ALDH2: variants seen among roughly 807,000 people sequenced by gnomAD.
The protein encoded by ALDH2 is aldehyde dehydrogenase, mitochondrial.
In ALDH2, 44 loss-of-function variants were observed where a neutral mutation model predicts 59.6. That is an observed-to-expected ratio of 0.74 (90% CI 0.58 to 0.95). The LOEUF is 0.95. Ranked by LOEUF, ALDH2 falls within the 40% of genes least tolerant of loss-of-function variation. ALDH2 has a pLI of 0.00. For missense variants in ALDH2, 570 were observed against 696.3 expected, an observed-to-expected ratio of 0.82 and a Z score of 2.04; for synonymous variants, 291 against 284.0, an observed-to-expected ratio of 1.02 and a Z score of -0.25.
chr12:111,787,156 A>C (rs1267649456), intron 4 of ALDH2, among the ~76,000 whole-genome samples: 1 of 152,102 alleles, frequency 6.6e-6, no homozygotes, highest in Non-Finnish European at 1.5e-5. Context: ...CAGTGAGCCG[A>C]GATCGTGCCA....
At chr12:111,771,534 TTACAAATCATTGGC>T (rs2068199972) in intron 1 of ALDH2, among the ~76,000 whole-genome samples, 1 of 152,182 alleles carries the variant, frequency 6.6e-6, no homozygotes, top group Non-Finnish European at 1.5e-5. Context: ...CATGTAGCAG[TTACAAATCATTGGC>T]TCAACCTGTA....
chr12:111,801,701 A>G (rs952555052), intron 11 of ALDH2, among the ~76,000 whole-genome samples: 1 of 152,014 alleles, frequency 6.6e-6, no homozygotes, highest in Non-Finnish European at 1.5e-5. Context: ...TCCAAAAAAA[A>G]AAAAAAAGAA....
chr12:111,793,027 T>C (rs962586317), intron 9 of ALDH2, among the ~76,000 whole-genome samples: 2 of 152,100 alleles, frequency 1.3e-5, no homozygotes, highest in African/African-American at 4.8e-5. Flanking sequence ...GTAAATTGCA[T>C]ATATGTAACA....
At chr12:111,771,774 G>A (rs1041629111) in intron 1 of ALDH2, among the ~76,000 whole-genome samples, 1 of 152,142 alleles carries the variant, frequency 6.6e-6, no homozygotes, top group Non-Finnish European at 1.5e-5. Context: ...AGTGATGAAC[G>A]AGGACTCTGG....
At chr12:111,806,798 C>G (rs995384847) in intron 12 of ALDH2, among the ~76,000 whole-genome samples, 2 of 151,474 alleles carry the variant, frequency 1.3e-5, no homozygotes, top group Non-Finnish European at 2.9e-5. Flanking sequence ...ATGGTGAAAC[C>G]CCATCTCTAC....
In ALDH2 at chr12:111,799,959, T is replaced by C. The variant is rs138505396; in HGVS notation, c.1302T>C (p.Val434=). 239 of 1,614,080 alleles carry C rather than the reference T, an allele frequency of 1.5e-4. No homozygotes were observed. Among genetic ancestry groups the C allele is most frequent in the Non-Finnish European group, 1.8e-4 (217 of 1,180,016 alleles). Residue 434 remains valine, a synonymous_variant, in exon 11 of 13, where the codon GTT becomes GTC. Coordinates refer to ENST00000261733, the MANE Select transcript of ALDH2 (RefSeq NM_000690.4). ...AGTTCAAGACCATAGAGGAGGTTGT[T>C]GGGAGAGCCAACAATTCCACGTACG... ...ILKFKTIEEV[V]GRANNSTYGL... is the part of the protein sequence containing the mutation.
chr12:111,789,023 T>C (rs1305428617), intron 4 of ALDH2, among the ~76,000 whole-genome samples: 1 of 146,582 alleles, frequency 6.8e-6, no homozygotes, highest in Non-Finnish European at 1.5e-5. Context: ...TTTTCTTTTT[T>C]TTTTTTTTTT....
rs749694206 is a variant in ALDH2 at position 111,791,336 on chromosome 12, G to T, written c.712G>T (p.Val238Leu). The change falls in exon 7 of 13, where the codon GTG becomes TTG. Residue 238 changes from valine (V) to leucine (L), a missense_variant. Val to Leu is a conservative substitution (Grantham distance 32, BLOSUM62 1). Coordinates refer to ENST00000261733, the MANE Select transcript of ALDH2 (RefSeq NM_000690.4). ...AGFPPGVVNIVPGFGPTAGAA... is the reference protein window; with the variant it reads ...AGFPPGVVNILPGFGPTAGAA... ...CTTTCCCCCTGGTGTGGTCAACATT[G>T]TGCCTGGATTTGGCCCCACGGCTGG... 2.9e-5 allele frequency: 46 copies of T among 1,614,000 alleles called. No homozygotes were observed. The highest frequency in any genetic ancestry group is 3.7e-5 in the Non-Finnish European group (44 of 1,180,014).
intron 4 of ALDH2, among the ~76,000 whole-genome samples, chr12:111,788,784 T>C (rs2068331951): frequency 6.6e-6 from 1 of 151,962 alleles, no homozygotes; most frequent in Non-Finnish European, 1.5e-5. Flanking sequence ...GGAGGATCAC[T>C]TGAGCTCAGG....
At chr12:111,777,706 C>G (rs1006429053) in intron 1 of ALDH2, among the ~76,000 whole-genome samples, 1 of 152,106 alleles carries the variant, frequency 6.6e-6, no homozygotes, top group Non-Finnish European at 1.5e-5. Flanking sequence ...GGAGTAAACA[C>G]CCAGGACCTG....
intron 1 of ALDH2, among the ~76,000 whole-genome samples, chr12:111,780,364 G>A (rs1365821103): frequency 6.6e-6 from 1 of 152,128 alleles, no homozygotes; most frequent in Non-Finnish European, 1.5e-5. Context: ...AACCGTCTTG[G>A]GACCCGCCCT....
chr12:111,793,421 A>G (rs1444020330), intron 9 of ALDH2, among the ~76,000 whole-genome samples: 2 of 151,936 alleles, frequency 1.3e-5, no homozygotes, highest in African/African-American at 4.8e-5. Flanking sequence ...GTTTATAGAA[A>G]AATAGAGCTG....
intron 1 of ALDH2, among the ~76,000 whole-genome samples, chr12:111,779,457 T>G (rs957174921): frequency 5.9e-5 from 9 of 152,162 alleles, no homozygotes; most frequent in Admixed American, 3.3e-4. Context: ...CCAAAAGTGC[T>G]GGGACTACAG....
At chr12:111,790,373 G>T in intron 5 of ALDH2, 61 bp from the exon 6 acceptor site, 1 of 1,608,910 alleles carries the variant, frequency 6.2e-7, no homozygotes. Flanking sequence ...GCCACCTTCT[G>T]CTACCCAGTG....
rs1042746663 is a variant in ALDH2, at chr12:111,817,205, G to A, written c.*7630G>A. ...GCAAAGCTACAGAGGACATCACAAC[G>A]GAAGTTATTAATGTGACCAAGGAAA... On this transcript the variant is annotated 3_prime_UTR_variant, in exon 13 of 13. Coordinates refer to ENST00000261733, the MANE Select transcript of ALDH2 (RefSeq NM_000690.4). The A allele has an allele frequency of 6.6e-6, 1 of 152,136 alleles. No homozygotes were observed. Among genetic ancestry groups the A allele is most frequent in the Non-Finnish European group, 1.5e-5 (1 of 68,020 alleles). 9.4% of individuals were successfully genotyped at this position (152,136 alleles called of 1,614,324 possible). A position where few individuals can be genotyped will look rare whatever the true frequency, so the allele number is the denominator to read the frequency against.
intron 1 of ALDH2, 21 bp downstream of exon 1, chr12:111,767,117 C>G: frequency 1.4e-6 from 2 of 1,462,304 alleles, no homozygotes; most frequent in Non-Finnish European, 1.8e-6. Context: ...CGGCCGGGCT[C>G]GCGCTTTGTT....
At chr12:111,781,482 C>A (rs1408899550) in intron 1 of ALDH2, among the ~76,000 whole-genome samples, 1 of 152,154 alleles carries the variant, frequency 6.6e-6, no homozygotes, top group East Asian at 1.9e-4. Context: ...AGTGCAGAAG[C>A]CATCTTGCAC....
intron 11 of ALDH2, among the ~76,000 whole-genome samples, chr12:111,803,590 T>C (rs748710897): frequency 6.6e-6 from 1 of 151,886 alleles, no homozygotes; most frequent in African/African-American, 2.4e-5. Flanking sequence ...AAAAATTTAT[T>C]GCCAGGCGTG....
intron 3 of ALDH2, 75 bp downstream of exon 3, chr12:111,783,373 A>G: frequency 6.6e-7 from 1 of 1,514,356 alleles, no homozygotes; most frequent in Non-Finnish European, 8.9e-7. Context: ...ACAGCCAGGA[A>G]CCAAGCATCC....
Sources: gnomAD v4.1 joint callset for allele counts (sites outside exome capture counted in the v4.1 genomes callset) on GRCh38, gnomAD v4.1.1 for gene constraint, MANE v1.5 for transcripts, NCBI Gene and HGNC (gene_info 2026-07-23, HGNC 2026-07-21) for gene names.